C4orf51: variants seen among roughly 807,000 people sequenced by gnomAD.
C4orf51 encodes the protein uncharacterized protein C4orf51.
Under a neutral mutation model 25.2 loss-of-function variants are expected in C4orf51, and 25 were observed. That is an observed-to-expected ratio of 0.99 (90% CI 0.72 to 1.39). C4orf51 has a LOEUF of 1.39. C4orf51 is among the 40% of genes most tolerant of loss of function. The pLI, the probability that C4orf51 is intolerant of heterozygous loss-of-function variation, is 0.00. For missense variants in C4orf51, 252 were observed against 239.6 expected, an observed-to-expected ratio of 1.05 and a Z score of -0.34; for synonymous variants, 100 against 84.5, an observed-to-expected ratio of 1.18 and a Z score of -1.01.
At chr4:145,723,874 A>G (rs1731893283) in intron 2 of C4orf51, among the ~76,000 whole-genome samples, 1 of 152,216 alleles carries the variant, frequency 6.6e-6, no homozygotes, top group East Asian at 1.9e-4. Flanking sequence ...AAGAAAAGTC[A>G]TTAGCTAACC....
Position 145,726,963 on chromosome 4 carries a change from T to C in C4orf51, c.360T>C (p.His120=). The C allele has an allele frequency of 1.9e-6, 3 of 1,613,038 alleles. No individual in the cohort carries two copies. The highest frequency in any genetic ancestry group is 1.1e-5 in the South Asian group (1 of 91,050). The part of the protein sequence containing the change: ...RPFKKSFDVK[H]GVAHQIWDFG... Reference sequence around the variant, plus strand: ...TTAAAAAGTCATTTGATGTCAAGCATGGAGTGGTAAGCCCAACATTTCTCA... The same window carrying C: ...TTAAAAAGTCATTTGATGTCAAGCACGGAGTGGTAAGCCCAACATTTCTCA... Residue 120 remains histidine, a synonymous_variant, in exon 3 of 6, where the codon CAT becomes CAC. Coordinates refer to ENST00000438731, the MANE Select transcript of C4orf51 (RefSeq NM_001080531.3).
the C4orf51 span, among the ~76,000 whole-genome samples, chr4:145,790,937 C>T: frequency 1.3e-5 from 2 of 152,216 alleles, no homozygotes; most frequent in African/African-American, 4.8e-5. Context: ...ACAGTGGTCA[C>T]AAATATTTTT....
At chr4:145,709,623 G>A (rs1731025187) in intron 2 of C4orf51, among the ~76,000 whole-genome samples, 2 of 152,226 alleles carry the variant, frequency 1.3e-5, no homozygotes, top group African/African-American at 4.8e-5. Context: ...AGACAGTCTG[G>A]CAGGTGTGCA....
intron 1 of C4orf51, among the ~76,000 whole-genome samples, chr4:145,738,545 A>T (rs1732934456): frequency 6.6e-6 from 1 of 151,728 alleles, no homozygotes; most frequent in Non-Finnish European, 1.5e-5. Flanking sequence ...TGTTAATTAT[A>T]TTTTTTTTCT....
At chr4:145,707,586 A>G (rs1730890327) in intron 2 of C4orf51, among the ~76,000 whole-genome samples, 1 of 152,256 alleles carries the variant, frequency 6.6e-6, no homozygotes, top group African/African-American at 2.4e-5. Flanking sequence ...AGATGAATTC[A>G]GAGGTCAGGT....
intron 1 of C4orf51, among the ~76,000 whole-genome samples, chr4:145,739,519 A>G (rs1227385339): frequency 4.6e-5 from 7 of 152,164 alleles, no homozygotes; most frequent in Non-Finnish European, 1.0e-4. Context: ...TACAAACAAA[A>G]TCATATTATG....
Position 145,680,288 on chromosome 4 carries a change from A to C in C4orf51, c.85A>C (p.Lys29Gln). ...TCAAGAGTTTGATCTGATCAGACGC[A>C]AGGCTGGAGCATCTTGGCAGGATGA... ...TSQEFDLIRR[K>Q]AGASWQDETR... is the part of the protein sequence containing the mutation. The change falls in exon 1 of 6, where the codon AAG becomes CAG. Residue 29 changes from lysine to glutamine, a missense_variant. Transcript: ENST00000438731. The C allele has an allele frequency of 6.2e-7, 1 of 1,614,022 alleles. No homozygotes were observed. The highest frequency in any genetic ancestry group is 8.5e-7 in the Non-Finnish European group (1 of 1,179,876).
intron 1 of C4orf51, among the ~76,000 whole-genome samples, chr4:145,691,996 T>C (rs1309376771): frequency 1.2e-5 from 1 of 86,024 alleles, no homozygotes; most frequent in East Asian, 4.0e-4. Context: ...TGTAAGTTGA[T>C]ATTGCTCTTT....
downstream of C4orf51, among the ~76,000 whole-genome samples, chr4:145,755,016 C>A (rs1733862755): frequency 2.6e-5 from 4 of 152,178 alleles, no homozygotes; most frequent in Admixed American, 2.0e-4. Flanking sequence ...TCATTCTTTT[C>A]CCTTCACTGA....
chr4:145,748,688 C>T (rs947205287), intron 1 of C4orf51, among the ~76,000 whole-genome samples: 8 of 152,040 alleles, frequency 5.3e-5, no homozygotes, highest in Non-Finnish European at 1.2e-4. Flanking sequence ...TGTATAGTTT[C>T]CAAAATTCCT....
chr4:145,714,298 A>G (rs553516489), intron 2 of C4orf51, among the ~76,000 whole-genome samples: 5 of 152,370 alleles, frequency 3.3e-5, no homozygotes, highest in Non-Finnish European at 7.3e-5. Context: ...TAAAGAGGTT[A>G]CCATAATGAA....
chr4:145,708,803 C>T (rs563400495), intron 2 of C4orf51, among the ~76,000 whole-genome samples: 12 of 152,326 alleles, frequency 7.9e-5, no homozygotes, highest in African/African-American at 2.6e-4. Flanking sequence ...TCCTTGTCTC[C>T]ATGAACTCAT....
chr4:145,712,249 T>C (rs143571266), intron 2 of C4orf51, among the ~76,000 whole-genome samples: 1 of 152,330 alleles, frequency 6.6e-6, no homozygotes, highest in African/African-American at 2.4e-5. Context: ...ACATATTTCT[T>C]ACTTTAAATT....
chr4:145,694,437 C>A (rs1221055935), intron 1 of C4orf51, among the ~76,000 whole-genome samples: 4 of 126,136 alleles, frequency 3.2e-5, no homozygotes, highest in African/African-American at 1.2e-4. Flanking sequence ...TCTGCCCGGC[C>A]GCCCCTTCTG....
At chr4:145,723,495 C>T (rs1223708545) in intron 2 of C4orf51, among the ~76,000 whole-genome samples, 1 of 151,692 alleles carries the variant, frequency 6.6e-6, no homozygotes, top group East Asian at 1.9e-4. Flanking sequence ...GATTAGAAGA[C>T]CTGGAGGTAT....
At position 145,727,154 on chromosome 4, in the gene C4orf51, C is replaced by G. The variant is rs79616316; in HGVS notation, c.366+185C>G. Among the ~76,000 whole-genome samples the G allele has an allele frequency of 8.9e-3, 1,354 of 152,194 alleles. 15 individuals are homozygous for G. Among genetic ancestry groups the G allele is most frequent in the African/African-American group, 0.03 (1,229 of 41,512 alleles). ...TAGGTGATAGGAACACAACAATAAC[C>G]AAGGTTACGAATTGTGAACAACTGA... is the stretch of plus-strand genomic sequence containing the variant. On this transcript the variant is annotated intron_variant, in intron 3 of 5. Transcript: ENST00000438731.
chr4:145,722,656 C>G (rs1032403617), intron 2 of C4orf51, among the ~76,000 whole-genome samples: 1 of 152,134 alleles, frequency 6.6e-6, no homozygotes, highest in Non-Finnish European at 1.5e-5. Flanking sequence ...TGGGACCTAT[C>G]TTCAGAAAAA....
intron 1 of C4orf51, among the ~76,000 whole-genome samples, chr4:145,751,366 A>G (rs1733665122): frequency 6.6e-6 from 1 of 152,182 alleles, no homozygotes; most frequent in Admixed American, 6.5e-5. Flanking sequence ...CTCCAGCCCA[A>G]TAATGCTATG....
At chr4:145,731,564 CTTTTTTTTTTTTTTTTTTTTTT>C (rs398051305) in intron 5 of C4orf51, among the ~76,000 whole-genome samples, 1 of 43,860 alleles carries the variant, frequency 2.3e-5, no homozygotes, top group Non-Finnish European at 3.8e-5. Context: ...CAAGGCAAAT[CTTTTTTTTTTTTTTTTTTTTTT>C]TTTTTTTTTT....
Sources: gnomAD v4.1 joint callset for allele counts (sites outside exome capture counted in the v4.1 genomes callset) on GRCh38, gnomAD v4.1.1 for gene constraint, MANE v1.5 for transcripts, NCBI Gene and HGNC (gene_info 2026-07-23, HGNC 2026-07-21) for gene names.